Variants in RELL1 observed in about 807,000 individuals in gnomAD.
The protein encoded by RELL1 is RELT like 1, also known as RELT-like protein 1.
A neutral mutation model predicts 23.0 loss-of-function variants in RELL1; 10 were observed. That is an observed-to-expected ratio of 0.43 (90% confidence interval 0.27 to 0.74). RELL1 has a LOEUF of 0.74. RELL1 is among the 30% of genes least tolerant of loss of function. The pLI, the probability that RELL1 is intolerant of heterozygous loss-of-function variation, is 0.19. For missense variants in RELL1, 315 were observed against 364.4 expected (o/e 0.86, Z 1.10); for synonymous variants, 146 against 146.8 (o/e 0.99, Z 0.04).
chr4:37,679,011 GAGA>G (rs1000572002), intron 1 of RELL1, among the ~76,000 whole-genome samples: 1 of 152,182 alleles, frequency 6.6e-6, no homozygotes, highest in African/African-American at 2.4e-5. Context: ...ATCAAGTAAA[GAGA>G]AGAAGCCGGG....
chr4:37,668,631 C>T (rs1477816051), intron 1 of RELL1, among the ~76,000 whole-genome samples: 2 of 152,030 alleles, frequency 1.3e-5, no homozygotes, highest in African/African-American at 4.8e-5. Context: ...CTCTGCCCGG[C>T]CGCCACCCCG....
At chr4:37,627,128 A>T (rs918973973) in intron 6 of RELL1, among the ~76,000 whole-genome samples, 14 of 152,250 alleles carry the variant, frequency 9.2e-5, no homozygotes, top group African/African-American at 3.4e-4. Context: ...TACATTGCAC[A>T]TGATAAATAT....
intron 4 of RELL1, 48 bp from the exon 5 acceptor site, chr4:37,635,171 C>T (rs1213969049): frequency 7.0e-7 from 1 of 1,437,788 alleles, no homozygotes; most frequent in Non-Finnish European, 9.8e-7. Context: ...AAGGAAATAT[C>T]AGCGAAGGTG....
chr4:37,646,433 G>C (rs59689303), intron 3 of RELL1, among the ~76,000 whole-genome samples: 39,985 of 152,008 alleles, frequency 0.26, 5,563 homozygotes, highest in Middle Eastern at 0.31. Context: ...GCCAGTGGAC[G>C]GGGGAGGAGG....
At chr4:37,595,205 T>G (rs1371623742) in intron 6 of RELL1, among the ~76,000 whole-genome samples, 1 of 152,210 alleles carries the variant, frequency 6.6e-6, no homozygotes, top group Non-Finnish European at 1.5e-5. Flanking sequence ...ATTTATAGAT[T>G]TACTAAATTT....
chr4:37,674,432 G>A (rs764658867), intron 1 of RELL1, among the ~76,000 whole-genome samples: 5 of 152,306 alleles, frequency 3.3e-5, no homozygotes, highest in Non-Finnish European at 5.9e-5. Context: ...CTATCACATA[G>A]CTTTAAACAA....
At chr4:37,599,297 G>A (rs1718958103) in intron 6 of RELL1, among the ~76,000 whole-genome samples, 1 of 152,214 alleles carries the variant, frequency 6.6e-6, no homozygotes, top group Non-Finnish European at 1.5e-5. Context: ...TGAACGAGGA[G>A]ATGGAAGGAA....
At chr4:37,678,605 G>A (rs1308418683) in intron 1 of RELL1, among the ~76,000 whole-genome samples, 1 of 152,190 alleles carries the variant, frequency 6.6e-6, no homozygotes, top group Non-Finnish European at 1.5e-5. Context: ...AATGGCAGAG[G>A]CCCAAAAAGG....
At chr4:37,660,134 G>C (rs1052018375) in intron 1 of RELL1, among the ~76,000 whole-genome samples, 1 of 151,602 alleles carries the variant, frequency 6.6e-6, no homozygotes, top group Non-Finnish European at 1.5e-5. Context: ...ATCTGAGAAG[G>C]GTCTATTTTT....
At chr4:37,685,570 G>C (rs1201837476) in intron 1 of RELL1, among the ~76,000 whole-genome samples, 1 of 152,090 alleles carries the variant, frequency 6.6e-6, no homozygotes, top group Non-Finnish European at 1.5e-5. Flanking sequence ...GTGACGACAG[G>C]AATCAACAAA....
At chr4:37,650,502 C>T (rs1049071582) in intron 1 of RELL1, among the ~76,000 whole-genome samples, 1 of 152,006 alleles carries the variant, frequency 6.6e-6, no homozygotes, top group Non-Finnish European at 1.5e-5. Flanking sequence ...CAAGTATACA[C>T]GGGCAGATCG....
At chr4:37,599,642 TA>T (rs1718965209) in intron 6 of RELL1, among the ~76,000 whole-genome samples, 1 of 152,214 alleles carries the variant, frequency 6.6e-6, no homozygotes, top group African/African-American at 2.4e-5. Context: ...TGGGCCAAAG[TA>T]CAGCCTGATT....
intron 1 of RELL1, among the ~76,000 whole-genome samples, chr4:37,674,487 G>A (rs1721950449): frequency 1.3e-5 from 2 of 152,170 alleles, no homozygotes; most frequent in African/African-American, 2.4e-5. Context: ...TCTGTGTTTT[G>A]CCTTTAGAAG....
intron 1 of RELL1, among the ~76,000 whole-genome samples, chr4:37,674,286 G>A (rs1466759326): frequency 1.3e-5 from 2 of 152,158 alleles, no homozygotes; most frequent in Non-Finnish European, 2.9e-5. Flanking sequence ...TCAAATAAGA[G>A]AAACCTCATT....
intron 1 of RELL1, among the ~76,000 whole-genome samples, chr4:37,668,076 G>A (rs181391172): frequency 1.6e-4 from 23 of 147,960 alleles, no homozygotes; most frequent in African/African-American, 3.4e-4. Context: ...AAGATTATAA[G>A]TCATTTTTTT....
intron 1 of RELL1, among the ~76,000 whole-genome samples, chr4:37,655,412 C>T (rs1290146940): frequency 1.3e-5 from 2 of 152,062 alleles, no homozygotes; most frequent in East Asian, 3.9e-4. Flanking sequence ...TCAGGGTGGA[C>T]CCCAGTCCCA....
At chr4:37,668,608 G>C (rs565670200) in intron 1 of RELL1, among the ~76,000 whole-genome samples, 5 of 152,114 alleles carry the variant, frequency 3.3e-5, no homozygotes, top group South Asian at 2.1e-4. Flanking sequence ...TCCCAAAGTG[G>C]CGAGATTGCA....
intron 5 of RELL1, among the ~76,000 whole-genome samples, chr4:37,632,571 G>A (rs999697042): frequency 3.3e-5 from 5 of 152,076 alleles, no homozygotes; most frequent in African/African-American, 1.2e-4. Context: ...ACGAACTTCC[G>A]AAAATATGCA....
At chr4:37,587,095 G>A (rs933689756), downstream of RELL1, among the ~76,000 whole-genome samples, 1 of 152,064 alleles carries the variant, frequency 6.6e-6, no homozygotes, top group African/African-American at 2.4e-5. Context: ...CTTCCAGCTT[G>A]GGGGGCTGCC....
Sources: gnomAD v4.1 joint callset for allele counts (sites outside exome capture counted in the v4.1 genomes callset) on GRCh38, gnomAD v4.1.1 for gene constraint, MANE v1.5 for transcripts, NCBI Gene and HGNC (gene_info 2026-07-23, HGNC 2026-07-21) for gene names.